TEX36: variants seen among roughly 807,000 people sequenced by gnomAD.
TEX36 encodes testis expressed 36, also known as testis-expressed protein 36.
Under a neutral mutation model 13.6 loss-of-function variants are expected in TEX36, and 12 were observed. The observed-to-expected ratio is 0.88, with a 90% CI of 0.56 to 1.43. The LOEUF (loss-of-function observed/expected upper bound fraction) is 1.43. Among genes scored for constraint, TEX36 ranks in the 40% most tolerant of loss-of-function variants. The pLI is 0.00. For missense variants in TEX36, 224 were observed against 228.3 expected (o/e 0.98, Z 0.12); for synonymous variants, 93 against 83.0 (o/e 1.12, Z -0.65).
At chr10:125,600,153 T>G (rs983809474) in intron 3 of TEX36, among the ~76,000 whole-genome samples, 1 of 152,248 alleles carries the variant, frequency 6.6e-6, no homozygotes. Flanking sequence ...ACTTATGACC[T>G]GTGTCATCTT....
chr10:125,656,327 G>C, intron 3 of TEX36, 131 bp from the exon 4 acceptor site: 1 of 800,578 alleles, frequency 1.2e-6, no homozygotes, highest in South Asian at 2.8e-5. Context: ...CACGATCTCA[G>C]CTCACTGCAG....
chr10:125,679,489 C>T (rs779292499), intron 1 of TEX36, among the ~76,000 whole-genome samples: 1 of 152,084 alleles, frequency 6.6e-6, no homozygotes, highest in East Asian at 2.0e-4. Flanking sequence ...CCCACAGTTT[C>T]CGGGAGACTC....
intron 1 of TEX36, among the ~76,000 whole-genome samples, chr10:125,672,505 T>C (rs1055482896): frequency 4.6e-5 from 7 of 152,256 alleles, no homozygotes; most frequent in Non-Finnish European, 7.3e-5. Flanking sequence ...CAGTTTGTTA[T>C]TATTTCACTT....
At chr10:125,587,786 T>TTAA (rs1845974494) in intron 3 of TEX36, among the ~76,000 whole-genome samples, 4 of 101,898 alleles carry the variant, frequency 3.9e-5, no homozygotes, top group African/African-American at 1.5e-4. Context: ...GTCTCAAAAT[T>TTAA]AAAAAAAAAA....
At chr10:125,667,452 T>C (rs1401331797) in intron 1 of TEX36, 1 of 705,682 alleles carries the variant, frequency 1.4e-6, no homozygotes, top group African/African-American at 1.8e-5. Flanking sequence ...ACGTTGGTAT[T>C]TTCCATGACG....
chr10:125,581,462 G>T (rs961691422), intron 3 of TEX36, among the ~76,000 whole-genome samples: 5 of 152,116 alleles, frequency 3.3e-5, no homozygotes, highest in African/African-American at 1.2e-4. Flanking sequence ...CCCCACTCGG[G>T]CATATCCTCC....
intron 3 of TEX36, among the ~76,000 whole-genome samples, chr10:125,644,083 G>A (rs926391858): frequency 3.3e-5 from 5 of 152,182 alleles, no homozygotes; most frequent in African/African-American, 7.2e-5. Flanking sequence ...AAGTAAAATC[G>A]TTATCAGGCA....
chr10:125,677,597 T>C (rs997851293), intron 1 of TEX36, among the ~76,000 whole-genome samples: 7 of 152,210 alleles, frequency 4.6e-5, no homozygotes, highest in African/African-American at 1.7e-4. Context: ...AATTTCTCAT[T>C]CATATCCTGA....
At chr10:125,621,005 C>T (rs540954627), downstream of TEX36, among the ~76,000 whole-genome samples, 1 of 152,030 alleles carries the variant, frequency 6.6e-6, no homozygotes, top group South Asian at 2.1e-4. Flanking sequence ...ATGGATAGAC[C>T]ACATTTTGTG....
At chr10:125,626,878 C>T (rs561527963) in intron 3 of TEX36, among the ~76,000 whole-genome samples, 2 of 152,292 alleles carry the variant, frequency 1.3e-5, no homozygotes, top group South Asian at 4.1e-4. Flanking sequence ...GTCTAATGGC[C>T]TTGCACTTCC....
intron 1 of TEX36, among the ~76,000 whole-genome samples, chr10:125,666,318 G>C (rs1847120979): frequency 6.6e-6 from 1 of 152,192 alleles, no homozygotes; most frequent in Non-Finnish European, 1.5e-5. Context: ...CATTCAGTAT[G>C]ATGTTAGCTG....
intron 3 of TEX36, among the ~76,000 whole-genome samples, chr10:125,580,463 A>T (rs1845869577): frequency 6.6e-6 from 1 of 152,212 alleles, no homozygotes; most frequent in Admixed American, 6.5e-5. Context: ...GGGCTATGAG[A>T]TTTAAGTGGC....
chr10:125,641,697 C>T (rs1420464173), intron 3 of TEX36, among the ~76,000 whole-genome samples: 2 of 152,300 alleles, frequency 1.3e-5, no homozygotes, highest in South Asian at 4.1e-4. Flanking sequence ...TTCCTCTGTT[C>T]AGAACAATAC....
rs1037093388 is a variant in TEX36 at position 125,646,602 on chromosome 10, G to A, written c.264+14419C>T. The stretch of plus-strand genomic sequence containing the variant: ...TTAACGAGATCAAAAGCAAACAACA[G>A]CAACAAAAATGTAGAGTTGGTAAAC... On this transcript the variant is annotated intron_variant, in intron 3 of 3. Transcript: ENST00000526819. Among the ~76,000 whole-genome samples the A allele has an allele frequency of 2.0e-5, 3 of 152,136 alleles. No homozygotes were observed. The East Asian group carries it at 5.8e-4, about 29-fold the overall frequency.
At chr10:125,591,579 C>T (rs1846021365) in intron 3 of TEX36, among the ~76,000 whole-genome samples, 1 of 152,176 alleles carries the variant, frequency 6.6e-6, no homozygotes, top group Non-Finnish European at 1.5e-5. Flanking sequence ...TGGGAAACCG[C>T]ACTGATCAAT....
At chr10:125,594,609 C>T (rs1283955286) in intron 3 of TEX36, among the ~76,000 whole-genome samples, 2 of 152,162 alleles carry the variant, frequency 1.3e-5, no homozygotes, top group East Asian at 1.9e-4. Flanking sequence ...TGTAAACACA[C>T]GATTCTACAT....
At chr10:125,659,814 A>G (rs1228916754) in intron 3 of TEX36, among the ~76,000 whole-genome samples, 1 of 152,210 alleles carries the variant, frequency 6.6e-6, no homozygotes, top group African/African-American at 2.4e-5. Flanking sequence ...CAGATGCTTT[A>G]TAAATGGTGG....
At chr10:125,653,871 A>G (rs1279711262), downstream of TEX36, among the ~76,000 whole-genome samples, 1 of 152,032 alleles carries the variant, frequency 6.6e-6, no homozygotes, top group East Asian at 1.9e-4. Flanking sequence ...AGTTCTCACT[A>G]CATAGGAGAA....
chr10:125,595,392 G>A (rs1179461421), intron 3 of TEX36, among the ~76,000 whole-genome samples: 1 of 152,134 alleles, frequency 6.6e-6, no homozygotes, highest in East Asian at 1.9e-4. Flanking sequence ...TCAGAAAAAG[G>A]AAAATCCTTG....
Sources: allele counts gnomAD v4.1 joint callset (sites outside exome capture counted in the v4.1 genomes callset), GRCh38; gene constraint gnomAD v4.1.1; transcripts MANE v1.5; gene names NCBI Gene and HGNC (gene_info 2026-07-23, HGNC 2026-07-21).